The following ADGRL2 variants were observed in gnomAD, a reference collection of about 807,000 sequenced individuals.
The protein encoded by ADGRL2 is calcium-independent alpha-latrotoxin receptor 2.
ADGRL2 carries 44 observed loss-of-function variants against 157.4 expected under a neutral mutation model. That is an observed-to-expected ratio of 0.28 (90% CI 0.22 to 0.36). The LOEUF (loss-of-function observed/expected upper bound fraction) is 0.36. Among genes scored for constraint, ADGRL2 ranks in the 10% least tolerant of loss-of-function variants. The pLI is 1.00. For synonymous variants in ADGRL2, 585 were observed against 624.7 expected, an observed-to-expected ratio of 0.94 and a Z score of 0.95; for missense variants, 1,510 against 1,768.9, an observed-to-expected ratio of 0.85 and a Z score of 2.63.
chr1:81,501,683 C>T lies in ADGRL2; in HGVS notation c.-248+56594C>T, dbSNP rs116256852. On this transcript the variant is annotated intron_variant, in intron 2 of 24. Transcript: ENST00000370721. ...CTCCGCCACCCGAAAACCCGGAGTG[C>T]CCCGCACAGGTTTAGACCCAGTGTG... 1.5e-3 allele frequency: 2,318 copies of T among 1,561,314 alleles called. 30 individuals carry two copies. The African/African-American group carries it at 0.026, about 18-fold the overall frequency.
intron 2 of ADGRL2, among the ~76,000 whole-genome samples, chr1:81,527,320 C>T (rs951728807): frequency 1.3e-5 from 2 of 152,140 alleles, no homozygotes; most frequent in African/African-American, 4.8e-5. Context: ...TATGTTGAAA[C>T]TTACTCCCCA....
intron 3 of ADGRL2, among the ~76,000 whole-genome samples, chr1:81,600,788 T>A (rs2148630561): frequency 6.6e-6 from 1 of 152,288 alleles, no homozygotes; most frequent in Non-Finnish European, 1.5e-5. Flanking sequence ...AGGACCACAC[T>A]TTAGATCACA....
At chr1:81,789,844 A>T (rs2087247086) in intron 2 of ADGRL2, among the ~76,000 whole-genome samples, 1 of 152,110 alleles carries the variant, frequency 6.6e-6, no homozygotes, top group Non-Finnish European at 1.5e-5. Context: ...TAATAAAAAA[A>T]TTTCTGGTGA....
At chr1:81,745,793 C>A (rs775635734) in intron 1 of ADGRL2, among the ~76,000 whole-genome samples, 49 of 151,992 alleles carry the variant, frequency 3.2e-4, no homozygotes, top group Non-Finnish European at 5.6e-4. Flanking sequence ...CTTGTAAATT[C>A]TTTGGGTTGT....
At chr1:81,696,738 C>T (rs1180815490), upstream of ADGRL2, among the ~76,000 whole-genome samples, 3 of 151,862 alleles carry the variant, frequency 2.0e-5, no homozygotes, top group Non-Finnish European at 1.5e-5. Context: ...GGCGACAGAG[C>T]GAGACTCCAT....
At chr1:81,356,826 G>C (rs1557623921) in intron 1 of ADGRL2, among the ~76,000 whole-genome samples, 1 of 151,692 alleles carries the variant, frequency 6.6e-6, no homozygotes, top group Non-Finnish European at 1.5e-5. Context: ...GGTGGTGGGA[G>C]CCTGTAGTCC....
At chr1:81,845,375 AT>A (rs1307121682) in intron 2 of ADGRL2, among the ~76,000 whole-genome samples, 1 of 152,068 alleles carries the variant, frequency 6.6e-6, no homozygotes, top group African/African-American at 2.4e-5. Context: ...AATTCTGATA[AT>A]TGTACTGGAG....
At chr1:81,612,507 G>C (rs987010778) in intron 3 of ADGRL2, among the ~76,000 whole-genome samples, 1 of 152,164 alleles carries the variant, frequency 6.6e-6, no homozygotes, top group African/African-American at 2.4e-5. Flanking sequence ...ACTTTAAAGA[G>C]AATGGCTCAG....
intron 3 of ADGRL2, chr1:81,625,748 C>T (rs914757009): frequency 6.6e-6 from 1 of 152,096 alleles, no homozygotes; most frequent in African/African-American, 2.4e-5. Context: ...GGTGCTCTTA[C>T]CTAGAAAGTT....
chr1:81,678,644 A>G (rs1159774150), intron 3 of ADGRL2, among the ~76,000 whole-genome samples: 1 of 152,350 alleles, frequency 6.6e-6, no homozygotes, highest in East Asian at 1.9e-4. Context: ...ATATAACAGC[A>G]AAGTGGCCTT....
chr1:81,747,120 T>C (rs922310787), intron 1 of ADGRL2, among the ~76,000 whole-genome samples: 8 of 128,502 alleles, frequency 6.2e-5, no homozygotes, highest in Admixed American at 1.5e-4. Context: ...TGTATATATG[T>C]GTATATATGT....
At chr1:81,897,199 G>T (rs2151545466) in intron 2 of ADGRL2, among the ~76,000 whole-genome samples, 1 of 152,178 alleles carries the variant, frequency 6.6e-6, no homozygotes, top group African/African-American at 2.4e-5. Flanking sequence ...TTGCCTAACA[G>T]AAAAATGAGT....
chr1:81,630,248 G>A (rs11799469), intron 3 of ADGRL2, among the ~76,000 whole-genome samples: 60,609 of 151,654 alleles, frequency 0.4, 12,697 homozygotes, highest in African/African-American at 0.53. Flanking sequence ...GTGGTTTCAA[G>A]AGTCTAGCCT....
chr1:81,455,145 A>AATTT (rs1283756621), intron 2 of ADGRL2, among the ~76,000 whole-genome samples: 3 of 152,234 alleles, frequency 2.0e-5, no homozygotes, highest in Non-Finnish European at 2.9e-5. Context: ...CTTGATCATA[A>AATTT]AGTTGAAACT....
intron 19 of ADGRL2, chr1:81,984,294 CTAT>C (rs1298832407): frequency 5.0e-6 from 1 of 198,940 alleles, no homozygotes; most frequent in Non-Finnish European, 1.0e-5. Flanking sequence ...AAATATATTG[CTAT>C]TATTTAATAA....
chr1:81,383,995 G>C (rs1570791017), intron 1 of ADGRL2, among the ~76,000 whole-genome samples: 1 of 150,978 alleles, frequency 6.6e-6, no homozygotes, highest in South Asian at 2.1e-4. Flanking sequence ...AAGAAAAAAG[G>C]AAGAAATTTG....
chr1:81,482,441 AATTT>A (rs2078409795), intron 2 of ADGRL2, among the ~76,000 whole-genome samples: 1 of 147,904 alleles, frequency 6.8e-6, no homozygotes. Flanking sequence ...CCACACATAT[AATTT>A]ATTATTTTAA....
At chr1:81,780,829 G>A (rs911584484) in intron 2 of ADGRL2, among the ~76,000 whole-genome samples, 1 of 152,042 alleles carries the variant, frequency 6.6e-6, no homozygotes, top group Admixed American at 6.5e-5. Flanking sequence ...TTACTTTGTT[G>A]TAGGTTTACA....
intron 1 of ADGRL2, among the ~76,000 whole-genome samples, chr1:81,830,424 A>G (rs1006381045): frequency 1.2e-4 from 19 of 152,258 alleles, no homozygotes; most frequent in African/African-American, 4.6e-4. Flanking sequence ...TCATTTAATT[A>G]CAAAGGCAAT....
Sources: gnomAD v4.1 joint callset for allele counts (sites outside exome capture counted in the v4.1 genomes callset) on GRCh38, gnomAD v4.1.1 for gene constraint, MANE v1.5 for transcripts, NCBI Gene and HGNC (gene_info 2026-07-23, HGNC 2026-07-21) for gene names.